The following ASCC3 variants were observed in gnomAD, a reference collection of about 807,000 sequenced individuals.
ASCC3 encodes activating signal cointegrator 1 complex subunit 3, also known as ASC-1 complex subunit P200.
A neutral mutation model predicts 256.3 loss-of-function variants in ASCC3; 158 were observed. That is an observed-to-expected ratio of 0.62 (90% CI 0.54 to 0.70). ASCC3 has a LOEUF of 0.70. ASCC3 is among the 30% of genes least tolerant of loss of function. The pLI, the probability that ASCC3 is intolerant of heterozygous loss-of-function variation, is 0.00. For synonymous variants in ASCC3, 948 were observed against 883.4 expected (o/e 1.07, Z -1.30); for missense variants, 2,259 against 2,626.0 (o/e 0.86, Z 3.05).
At chr6:100,812,002 AAGGAGAAAGAGCCCTGCCAAAACCAT>A (rs1420581471) in intron 4 of ASCC3, among the ~76,000 whole-genome samples, 2 of 152,188 alleles carry the variant, frequency 1.3e-5, no homozygotes, top group Admixed American at 1.3e-4. Context: ...TAATCAGTAA[AAGGAGAAAGAGCCCTGCCAAAACCAT>A]ACCAGGGTAA....
chr6:100,688,641 C>T (rs992791980), intron 13 of ASCC3, among the ~76,000 whole-genome samples: 2 of 152,126 alleles, frequency 1.3e-5, no homozygotes, highest in Non-Finnish European at 2.9e-5. Context: ...TTTATCACTG[C>T]CTATCTTTTA....
At chr6:100,676,749 C>T (rs972994258) in intron 14 of ASCC3, among the ~76,000 whole-genome samples, 8 of 114,942 alleles carry the variant, frequency 7.0e-5, no homozygotes, top group African/African-American at 2.0e-4. Context: ...CGCGCGTGCG[C>T]GCACACACAC....
At chr6:100,693,522 A>G (rs1404664083) in intron 13 of ASCC3, among the ~76,000 whole-genome samples, 4 of 152,178 alleles carry the variant, frequency 2.6e-5, no homozygotes, top group Non-Finnish European at 5.9e-5. Context: ...TGTTCAATGA[A>G]TAAGACATTA....
intron 36 of ASCC3, among the ~76,000 whole-genome samples, chr6:100,544,758 T>C (rs1775625911): frequency 6.6e-6 from 1 of 152,240 alleles, no homozygotes; most frequent in Non-Finnish European, 1.5e-5. Context: ...TTAAAACCAA[T>C]TCTGTAAGAA....
At chr6:100,757,563 G>T (rs1014523624) in intron 10 of ASCC3, among the ~76,000 whole-genome samples, 1 of 100,404 alleles carries the variant, frequency 1.0e-5, no homozygotes, top group Non-Finnish European at 2.0e-5. Context: ...AAAGCACAAT[G>T]AACAAAAAAG....
At chr6:100,720,262 T>C (rs1779263643) in intron 11 of ASCC3, among the ~76,000 whole-genome samples, 1 of 151,874 alleles carries the variant, frequency 6.6e-6, no homozygotes, top group African/African-American at 2.4e-5. Context: ...CTATAGTAAG[T>C]TGTGAAATTA....
chr6:100,722,879 T>G (rs941515406), intron 11 of ASCC3, among the ~76,000 whole-genome samples: 7 of 151,816 alleles, frequency 4.6e-5, no homozygotes, highest in Non-Finnish European at 8.9e-5. Flanking sequence ...CAGCAATTCA[T>G]TGCATAAATA....
chr6:100,747,136 C>A (rs1166407177), intron 10 of ASCC3, among the ~76,000 whole-genome samples: 44 of 140,108 alleles, frequency 3.1e-4, no homozygotes, highest in African/African-American at 3.1e-4. Context: ...CATATAGTTG[C>A]AAAAAAAAAA....
chr6:100,717,328 A>T (rs1243021199), intron 12 of ASCC3, among the ~76,000 whole-genome samples: 1 of 152,176 alleles, frequency 6.6e-6, no homozygotes, highest in East Asian at 1.9e-4. Flanking sequence ...TTGACATAGT[A>T]ACATGATTTT....
At chr6:100,588,503 G>A (rs1201753250) in intron 36 of ASCC3, among the ~76,000 whole-genome samples, 1 of 151,930 alleles carries the variant, frequency 6.6e-6, no homozygotes, top group African/African-American at 2.4e-5. Context: ...TTTATATTTT[G>A]TACTCTTCTA....
intron 10 of ASCC3, among the ~76,000 whole-genome samples, chr6:100,732,943 T>C (rs1357843288): frequency 3.3e-5 from 5 of 152,124 alleles, no homozygotes; most frequent in Admixed American, 1.3e-4. Flanking sequence ...TTTAACAACA[T>C]TGGAAAACTA....
intron 5 of ASCC3, among the ~76,000 whole-genome samples, chr6:100,801,790 G>A (rs1459163216): frequency 6.6e-6 from 1 of 151,240 alleles, no homozygotes; most frequent in Non-Finnish European, 1.5e-5. Context: ...GAAAAAGAAT[G>A]CAACATTCTG....
chr6:100,544,986 G>C (rs1358505732), intron 36 of ASCC3, among the ~76,000 whole-genome samples: 2 of 151,918 alleles, frequency 1.3e-5, no homozygotes, highest in Non-Finnish European at 2.9e-5. Context: ...GGGGATGCAG[G>C]ATTGGTTAAA....
chr6:100,540,512 T>C (rs907683669), intron 36 of ASCC3, 125 bp from the exon 37 acceptor site: 2 of 822,644 alleles, frequency 2.4e-6, no homozygotes, highest in Non-Finnish European at 3.9e-6. Context: ...CTTAGAATTT[T>C]GCTTGTTCAA....
intron 33 of ASCC3, among the ~76,000 whole-genome samples, chr6:100,602,869 C>T (rs1772693409): frequency 6.6e-6 from 1 of 151,882 alleles, no homozygotes; most frequent in Non-Finnish European, 1.5e-5. Flanking sequence ...GAAAAATATG[C>T]AGGTATTAAA....
At chr6:100,576,357 C>A (rs1347662316) in intron 36 of ASCC3, among the ~76,000 whole-genome samples, 1 of 151,964 alleles carries the variant, frequency 6.6e-6, no homozygotes, top group Non-Finnish European at 1.5e-5. Context: ...ACTTATAATT[C>A]TAGTTACAAG....
At chr6:100,790,502 A>G (rs578144175) in intron 8 of ASCC3, among the ~76,000 whole-genome samples, 1 of 152,150 alleles carries the variant, frequency 6.6e-6, no homozygotes, top group Middle Eastern at 3.4e-3. Flanking sequence ...ATCTATAAAT[A>G]GCAACCTGTA....
chr6:100,865,482 CTT>C (rs796680288), intron 2 of ASCC3, among the ~76,000 whole-genome samples: 20 of 152,188 alleles, frequency 1.3e-4, no homozygotes, highest in African/African-American at 4.6e-4. Context: ...TTAATATACT[CTT>C]GTTTTAACTG....
chr6:100,835,545 T>G lies in ASCC3; in HGVS notation c.801+12603A>C, dbSNP rs6900104. Among the ~76,000 whole-genome samples the G allele has an allele frequency of 5.6e-3, 856 of 152,266 alleles. 10 individuals carry two copies. Among genetic ancestry groups the G allele is most frequent in the African/African-American group, 0.02 (823 of 41,570 alleles). ...AAGACACTGTCCTTTATCCATTGTG[T>G]CTTCTTGGGACATTTGTCAAAAATC... On this transcript the variant is annotated intron_variant, in intron 4 of 41. Coordinates refer to ENST00000369162, the MANE Select transcript of ASCC3 (RefSeq NM_006828.4).
Sources: gnomAD v4.1 joint callset for allele counts (sites outside exome capture counted in the v4.1 genomes callset) on GRCh38, gnomAD v4.1.1 for gene constraint, MANE v1.5 for transcripts, NCBI Gene and HGNC (gene_info 2026-07-23, HGNC 2026-07-21) for gene names.